FGF10: variants seen among roughly 807,000 people sequenced by gnomAD.
FGF10 encodes fibroblast growth factor 10, also known as FGF-10.
FGF10 carries 2 observed loss-of-function variants against 19.8 expected under a neutral mutation model. That is an observed-to-expected ratio of 0.10 (90% CI 0.04 to 0.32). The LOEUF (loss-of-function observed/expected upper bound fraction) is 0.32, where lower values mean the gene tolerates loss of function less well. Among genes scored for constraint, FGF10 ranks in the 10% least tolerant of loss-of-function variants. FGF10 has a pLI of 1.00. For synonymous variants in FGF10, 112 were observed against 94.0 expected (o/e 1.19, Z -1.10); for missense variants, 191 against 246.3 (o/e 0.78, Z 1.50).
intron 1 of FGF10, among the ~76,000 whole-genome samples, chr5:44,341,856 T>C (rs1740979004): frequency 6.6e-6 from 1 of 151,986 alleles, no homozygotes; most frequent in African/African-American, 2.4e-5. Flanking sequence ...CCCTACTTCA[T>C]AGAATTTATG....
At chr5:44,356,050 A>G (rs1741340037) in intron 1 of FGF10, among the ~76,000 whole-genome samples, 1 of 151,314 alleles carries the variant, frequency 6.6e-6, no homozygotes, top group Non-Finnish European at 1.5e-5. Flanking sequence ...ACTTTCACCA[A>G]CTCTATTCCA....
chr5:44,383,013 G>A (rs569931883), intron 1 of FGF10, among the ~76,000 whole-genome samples: 107 of 152,132 alleles, frequency 7.0e-4, no homozygotes, highest in African/African-American at 2.6e-3. Context: ...TCTTTCTGAA[G>A]CATAATAAAG....
At position 44,388,561 on chromosome 5, in the gene FGF10, C is replaced by T. The variant is rs772109862; in HGVS notation, c.122G>A (p.Gly41Asp). 3.1e-6 allele frequency: 5 copies of T among 1,614,072 alleles called. No individual in the cohort carries two copies. The highest frequency in any genetic ancestry group is 2.5e-6 in the Non-Finnish European group (3 of 1,180,024). The part of the protein sequence containing the change: ...SSVPVTCQAL[G>D]QDMVSPEATN... ...GGCCTCTGGTGACACCATGTCCTGA[C>T]CAAGGGCTTGGCAGGTGACAGGGAC... The change falls in exon 1 of 3, where the codon GGT (glycine) becomes GAT (aspartate). Residue 41 changes from glycine (G) to aspartate (D), a missense_variant. Physicochemically the swap from Gly to Asp is moderately conservative, Grantham distance 94 (BLOSUM62 -1). Around this residue, in one of 2 missense-constraint regions of FGF10, gnomAD observed 92 missense variants for 84.6 expected, o/e 1.09. Transcript: ENST00000264664.
At position 44,376,490 on chromosome 5, in the gene FGF10, C is replaced by CAAAAAAAAAAAAAAAAAA. The variant is rs764913349; in HGVS notation, c.325+11850_325+11867dup. Among the ~76,000 whole-genome samples the CAAAAAAAAAAAAAAAAAA allele has an allele frequency of 3.8e-3, 132 of 34,514 alleles. 20 individuals carry two copies. The highest frequency in any genetic ancestry group is 7.0e-3 in the South Asian group (4 of 570). The allele number at this position is 34,514 out of a possible 152,430, so 22.6% of individuals were successfully genotyped here. ...CTAAGACAAGTTAGAATACAAATGC[C>CAAAAAAAAAAAAAAAAAA]AAAAAAAAAAAAAAAAAAAAAAAAA... On this transcript the variant is annotated intron_variant, in intron 1 of 2. Transcript: ENST00000264664.
At chr5:44,327,101 A>G (rs1444365853) in intron 1 of FGF10, among the ~76,000 whole-genome samples, 1 of 152,178 alleles carries the variant, frequency 6.6e-6, no homozygotes. Context: ...TTCAGTCTTC[A>G]GCGTGGTTTC....
rs17227557 is a variant in FGF10, at chr5:44,385,556, T to C, written c.325+2802A>G. ...GGTCAAAAGTAACAAAGAAAATTAA[T>C]CTTCAAATAAGCAAACCTCAAAAGA... On this transcript the variant is annotated intron_variant, in intron 1 of 2. Transcript: ENST00000264664. 7.2e-5 allele frequency among the ~76,000 whole-genome samples: 11 copies of C among 152,274 alleles called. No individual in the cohort carries two copies. In the South Asian group the frequency reaches 2.1e-3, roughly 29 times the overall value.
At chr5:44,339,381 C>T (rs1035523248) in intron 1 of FGF10, among the ~76,000 whole-genome samples, 13 of 151,970 alleles carry the variant, frequency 8.6e-5, no homozygotes, top group Non-Finnish European at 1.5e-4. Flanking sequence ...GATAATTGTT[C>T]TCACAGTATA....
chr5:44,356,196 A>C (rs1277630545), intron 1 of FGF10, among the ~76,000 whole-genome samples: 2 of 151,396 alleles, frequency 1.3e-5, no homozygotes, highest in Non-Finnish European at 3.0e-5. Context: ...GGCTTTTCCC[A>C]CTGAAAGGGA....
At position 44,382,599 on chromosome 5, in the gene FGF10, GT is replaced by G. The variant is rs576719013; in HGVS notation, c.325+5758del. ...GAAAGAGTGCCGATTACAAAATAAT[GT>G]TTTAAATCTGTGAAACAAAGTAATA... On this transcript the variant is annotated intron_variant, in intron 1 of 2. Coordinates refer to ENST00000264664, the MANE Select transcript of FGF10 (RefSeq NM_004465.2). 5.5e-4 allele frequency among the ~76,000 whole-genome samples: 83 copies of G among 152,180 alleles called. 2 individuals carry two copies. Among genetic ancestry groups the G allele is most frequent in the Admixed American group, 5.0e-3 (76 of 15,292 alleles).
chr5:44,313,754 T>C (rs1740267667), intron 1 of FGF10, among the ~76,000 whole-genome samples: 1 of 152,108 alleles, frequency 6.6e-6, no homozygotes, highest in Admixed American at 6.6e-5. Flanking sequence ...TATTAGTTTT[T>C]ATGTCCCTTA....
At chr5:44,313,431 G>C (rs1383048052) in intron 1 of FGF10, among the ~76,000 whole-genome samples, 2 of 151,930 alleles carry the variant, frequency 1.3e-5, no homozygotes, top group Non-Finnish European at 2.9e-5. Context: ...TGGATCAGTA[G>C]CTTATAGTTC....
intron 1 of FGF10, among the ~76,000 whole-genome samples, chr5:44,330,874 AT>A (rs904985974): frequency 1.3e-5 from 2 of 152,136 alleles, no homozygotes; most frequent in Non-Finnish European, 2.9e-5. Flanking sequence ...ATCAGACGTC[AT>A]TTTTTGTGAG....
chr5:44,370,188 T>A (rs553080874), intron 1 of FGF10, among the ~76,000 whole-genome samples: 2 of 152,260 alleles, frequency 1.3e-5, no homozygotes, highest in African/African-American at 4.8e-5. Flanking sequence ...GGCTTTCCTC[T>A]CCTTCTCCAA....
Position 44,337,814 on chromosome 5 carries a change from G to T in FGF10, c.326-27284C>A, listed in dbSNP as rs574315771. Among the ~76,000 whole-genome samples the T allele has an allele frequency of 2.6e-5, 4 of 152,160 alleles. No individual in the cohort carries two copies. The East Asian group carries it at 7.7e-4, about 29-fold the overall frequency. Reference sequence around the variant, plus strand: ...AAATTAGCCAGGCGTAGTGGCATGCGCCTGTAGTCCCAGCTACATGGGAGG... The same window carrying T: ...AAATTAGCCAGGCGTAGTGGCATGCTCCTGTAGTCCCAGCTACATGGGAGG... On this transcript the variant is annotated intron_variant, in intron 1 of 2. Coordinates refer to ENST00000264664, the MANE Select transcript of FGF10 (RefSeq NM_004465.2).
rs184142810 is a variant in FGF10, at chr5:44,362,701, T to C, written c.325+25657A>G. Among the ~76,000 whole-genome samples the C allele has an allele frequency of 4.3e-4, 65 of 151,818 alleles. 2 individuals carry two copies. Among genetic ancestry groups the C allele is most frequent in the Admixed American group, 4.3e-3 (65 of 15,200 alleles). Reference sequence around the variant, plus strand: ...CCTTATAGATGCTGCTTCCCTCCTCTACTCAAAATGTCCCTAATGTCTTGG... The same window carrying C: ...CCTTATAGATGCTGCTTCCCTCCTCCACTCAAAATGTCCCTAATGTCTTGG... On this transcript the variant is annotated intron_variant, in intron 1 of 2. Transcript: ENST00000264664.
At chr5:44,320,252 T>C (rs1740452634) in intron 1 of FGF10, among the ~76,000 whole-genome samples, 1 of 152,194 alleles carries the variant, frequency 6.6e-6, no homozygotes. Flanking sequence ...CTATCTGTGC[T>C]GCATCTGGTG....
chr5:44,378,966 C>T (rs936759724), intron 1 of FGF10, among the ~76,000 whole-genome samples: 28 of 152,160 alleles, frequency 1.8e-4, no homozygotes, highest in African/African-American at 5.8e-4. Flanking sequence ...AGATTTCAAA[C>T]TTCTGCCACA....
rs1739942978 is a variant in FGF10 at position 44,300,292 on chromosome 5, A to G, written c.*4703T>C. 6.6e-6 allele frequency among the ~76,000 whole-genome samples: 1 copy of G among 152,114 alleles called. No homozygotes were observed. The highest frequency in any genetic ancestry group is 2.4e-5 in the African/African-American group (1 of 41,438). ...ATTTTACACTTAAACAATGAATGAC[A>G]TCAGGGTTTCAGATTTTTTCTATAT... On this transcript the variant is annotated 3_prime_UTR_variant, in exon 3 of 3. Coordinates refer to ENST00000264664, the MANE Select transcript of FGF10 (RefSeq NM_004465.2).
At chr5:44,368,583 C>A (rs928944795) in intron 1 of FGF10, among the ~76,000 whole-genome samples, 3 of 152,072 alleles carry the variant, frequency 2.0e-5, no homozygotes, top group African/African-American at 7.2e-5. Flanking sequence ...TATTAAATGA[C>A]TTTGAAGCCT....
Sources: allele counts gnomAD v4.1 joint callset (sites outside exome capture counted in the v4.1 genomes callset), GRCh38; gene constraint gnomAD v4.1.1; regional missense constraint gnomAD v4.1.1; transcripts MANE v1.5; gene names NCBI Gene and HGNC (gene_info 2026-07-23, HGNC 2026-07-21).